TEAD1: variants seen among roughly 807,000 people sequenced by gnomAD.
The protein encoded by TEAD1 is transcriptional enhancer factor TEF-1.
A neutral mutation model predicts 54.9 loss-of-function variants in TEAD1; 9 were observed. The ratio of observed to expected loss-of-function variants is 0.16; its 90% confidence interval spans 0.10 to 0.29. The LOEUF (loss-of-function observed/expected upper bound fraction) is 0.29, where lower values mean the gene tolerates loss of function less well. Among genes scored for constraint, TEAD1 ranks in the 10% least tolerant of loss-of-function variants. The probability of loss-of-function intolerance (pLI) is 1.00; values close to 1 mark genes in which losing one functional copy is unlikely to be tolerated. For missense variants in TEAD1, 387 were observed against 535.9 expected (o/e 0.72, Z 2.74); for synonymous variants, 200 against 187.8 (o/e 1.07, Z -0.53).
chr11:12,829,668 A>G (rs1010933880), intron 3 of TEAD1, among the ~76,000 whole-genome samples: 1 of 152,226 alleles, frequency 6.6e-6, no homozygotes, highest in Admixed American at 6.5e-5. Flanking sequence ...AGAAGCAGGA[A>G]TACATGGTGT....
intron 3 of TEAD1, among the ~76,000 whole-genome samples, chr11:12,803,279 G>A (rs992563182): frequency 6.6e-6 from 1 of 152,014 alleles, no homozygotes; most frequent in African/African-American, 2.4e-5. Flanking sequence ...CTGTACATTC[G>A]AGGAAATTTT....
At chr11:12,883,529 T>C (rs1271749002) in intron 9 of TEAD1, among the ~76,000 whole-genome samples, 1 of 152,216 alleles carries the variant, frequency 6.6e-6, no homozygotes. Flanking sequence ...AGCTAGGTAC[T>C]AACTGACAAA....
intron 3 of TEAD1, among the ~76,000 whole-genome samples, chr11:12,792,221 G>GTAGA (rs1564941341): frequency 6.6e-6 from 1 of 152,104 alleles, no homozygotes; most frequent in Non-Finnish European, 1.5e-5. Flanking sequence ...GCTGTGTTTG[G>GTAGA]TAGATAACTA....
intron 2 of TEAD1, among the ~76,000 whole-genome samples, chr11:12,760,911 A>G (rs1240446272): frequency 6.6e-6 from 1 of 152,144 alleles, no homozygotes; most frequent in Non-Finnish European, 1.5e-5. Context: ...GCCCATATGT[A>G]AAGTCTTCAT....
At chr11:12,840,289 C>T (rs1345339173) in intron 3 of TEAD1, among the ~76,000 whole-genome samples, 6 of 140,462 alleles carry the variant, frequency 4.3e-5, no homozygotes, top group African/African-American at 1.3e-4. Flanking sequence ...GAAACGAAAT[C>T]GGGCCAAGGC....
chr11:12,697,751 T>TG (rs779700383), intron 2 of TEAD1, among the ~76,000 whole-genome samples: 23 of 152,134 alleles, frequency 1.5e-4, no homozygotes, highest in African/African-American at 4.8e-5. Flanking sequence ...GGGCTGGGCG[T>TG]GGTGGCTCAC....
At chr11:12,748,401 T>C (rs1944794890) in intron 2 of TEAD1, among the ~76,000 whole-genome samples, 1 of 152,188 alleles carries the variant, frequency 6.6e-6, no homozygotes, top group Non-Finnish European at 1.5e-5. Context: ...CCAGGCATCT[T>C]GGAGTGCGTG....
intron 11 of TEAD1, among the ~76,000 whole-genome samples, chr11:12,928,574 AC>A (rs1438607358): frequency 5.3e-5 from 8 of 151,646 alleles, no homozygotes; most frequent in African/African-American, 1.7e-4. Context: ...CCAACTATAT[AC>A]CTTTTTCAAT....
At chr11:12,857,321 G>A (rs1296616140) in intron 3 of TEAD1, among the ~76,000 whole-genome samples, 1 of 152,148 alleles carries the variant, frequency 6.6e-6, no homozygotes, top group East Asian at 1.9e-4. Flanking sequence ...GAAAGACAAG[G>A]GCAGCTACAA....
At chr11:12,898,066 G>A (rs1817594747) in intron 9 of TEAD1, among the ~76,000 whole-genome samples, 1 of 152,160 alleles carries the variant, frequency 6.6e-6, no homozygotes. Context: ...AGCGTCATGA[G>A]GCAAAGATTA....
chr11:12,821,961 C>CTTTTTGTTTT (rs1946556971), intron 3 of TEAD1, among the ~76,000 whole-genome samples: 1 of 68,084 alleles, frequency 1.5e-5, no homozygotes, highest in Non-Finnish European at 2.5e-5. Flanking sequence ...TTCTCTTTTC[C>CTTTTTGTTTT]TTTTTTTTTT....
At chr11:12,801,164 A>G (rs1946051543) in intron 3 of TEAD1, among the ~76,000 whole-genome samples, 1 of 152,248 alleles carries the variant, frequency 6.6e-6, no homozygotes, top group Non-Finnish European at 1.5e-5. Flanking sequence ...CCTTGGTTTC[A>G]CAAGAAAAGA....
chr11:12,734,829 G>A (rs1482679052), intron 2 of TEAD1, among the ~76,000 whole-genome samples: 5 of 152,258 alleles, frequency 3.3e-5, no homozygotes, highest in Admixed American at 1.3e-4. Context: ...GTACGATGAC[G>A]AAATTGACTG....
intron 2 of TEAD1, among the ~76,000 whole-genome samples, chr11:12,692,475 G>A (rs1279930637): frequency 2.0e-5 from 3 of 152,032 alleles, no homozygotes; most frequent in African/African-American, 7.2e-5. Context: ...GGAAATTTTG[G>A]ATACACATTT....
At chr11:12,788,159 C>T (rs375507026) in intron 3 of TEAD1, among the ~76,000 whole-genome samples, 50 of 142,744 alleles carry the variant, frequency 3.5e-4, no homozygotes, top group African/African-American at 1.1e-3. Flanking sequence ...TTTTTTTGGA[C>T]GGAGTCTCGT....
intron 3 of TEAD1, among the ~76,000 whole-genome samples, chr11:12,845,122 G>T (rs1947117956): frequency 6.6e-6 from 1 of 151,762 alleles, no homozygotes; most frequent in African/African-American, 2.4e-5. Flanking sequence ...CCACTACCAT[G>T]CCCGGCTAAT....
chr11:12,882,083 C>A, intron 8 of TEAD1, 126 bp downstream of exon 8: 1 of 1,024,090 alleles, frequency 9.8e-7, no homozygotes, highest in Non-Finnish European at 1.5e-6. Context: ...CCCTGACTTG[C>A]AGGATCCTTG....
chr11:12,710,523 C>T (rs1418505803), intron 2 of TEAD1, among the ~76,000 whole-genome samples: 2 of 151,942 alleles, frequency 1.3e-5, no homozygotes, highest in Admixed American at 6.6e-5. Context: ...AAATAGAGGG[C>T]GGTACAGTAC....
chr11:12,742,872 G>A (rs1944673883), intron 2 of TEAD1, among the ~76,000 whole-genome samples: 2 of 152,334 alleles, frequency 1.3e-5, no homozygotes, highest in South Asian at 2.1e-4. Flanking sequence ...TGGCAAAGAA[G>A]CCATAGCTCA....
Sources: allele counts gnomAD v4.1 joint callset (sites outside exome capture counted in the v4.1 genomes callset), GRCh38; gene constraint gnomAD v4.1.1; transcripts MANE v1.5; gene names NCBI Gene and HGNC (gene_info 2026-07-23, HGNC 2026-07-21).